PCDHA10: variants seen among roughly 807,000 people sequenced by gnomAD.
PCDHA10 encodes protocadherin alpha 10, also known as protocadherin alpha-10.
PCDHA10 carries 45 observed loss-of-function variants against 61.2 expected under a neutral mutation model. The ratio of observed to expected loss-of-function variants is 0.74; its 90% CI spans 0.58 to 0.94. PCDHA10 has a LOEUF of 0.94. Ranked by LOEUF, PCDHA10 falls within the 40% of genes least tolerant of loss-of-function variation. The probability of loss-of-function intolerance (pLI) is 0.00; values close to 1 mark genes in which losing one functional copy is unlikely to be tolerated. For missense variants in PCDHA10, 1,278 were observed against 1,236.2 expected (o/e 1.03, Z -0.51); for synonymous variants, 602 against 548.8 (o/e 1.10, Z -1.35).
intron 3 of PCDHA10, among the ~76,000 whole-genome samples, chr5:140,998,827 G>T (rs2097835809): frequency 6.6e-6 from 1 of 152,226 alleles, no homozygotes; most frequent in South Asian, 2.1e-4. Context: ...GCCTCCCAAA[G>T]TGCTGGATTA....
At chr5:140,876,099 T>C (rs782428764) in intron 1 of PCDHA10, 7 of 1,613,954 alleles carry the variant, frequency 4.3e-6, no homozygotes, top group Middle Eastern at 1.6e-4. Context: ...CAAAACTCAA[T>C]TTATTGCTGA....
At chr5:140,981,849 T>C (rs1460050544) in intron 2 of PCDHA10, among the ~76,000 whole-genome samples, 2 of 152,202 alleles carry the variant, frequency 1.3e-5, no homozygotes, top group African/African-American at 4.8e-5. Flanking sequence ...AGTTTGTATC[T>C]CACTCCCAGC....
chr5:140,916,743 G>C (rs1355752854), intron 1 of PCDHA10, among the ~76,000 whole-genome samples: 1 of 152,156 alleles, frequency 6.6e-6, no homozygotes, highest in African/African-American at 2.4e-5. Context: ...AAGCTTCACT[G>C]CCTGGGATTA....
rs782327503 is a variant in PCDHA10 at position 140,857,703 on chromosome 5, T to C, written c.1655T>C (p.Val552Ala). The change falls in exon 1 of 4, where the codon GTG (valine) becomes GCG (alanine). Residue 552 changes from valine (V) to alanine (A), a missense_variant. Val to Ala is a moderately conservative substitution (Grantham distance 64). Transcript: ENST00000307360. Reference sequence around the variant, plus strand: ...CTGGGCAGCAACTTGACGCTGCAGGTGTTCGTGCTGGACGAGAACGACAAC... The same window carrying C: ...CTGGGCAGCAACTTGACGCTGCAGGCGTTCGTGCTGGACGAGAACGACAAC... ...PPLGSNLTLQ[V>A]FVLDENDNAP... 3.8e-6 allele frequency: 6 copies of C among 1,597,222 alleles called. No homozygotes were observed. The highest frequency in any genetic ancestry group is 1.8e-4 in the Middle Eastern group (1 of 5,552).
intron 1 of PCDHA10, among the ~76,000 whole-genome samples, chr5:140,916,719 A>G (rs921368119): frequency 2.0e-5 from 3 of 152,128 alleles, no homozygotes; most frequent in Non-Finnish European, 2.9e-5. Context: ...GGAAGGAGTG[A>G]CTTTTGTTGC....
intron 1 of PCDHA10, chr5:140,863,137 G>GT (rs1309983213): frequency 1.7e-6 from 1 of 604,700 alleles, no homozygotes; most frequent in Admixed American, 1.9e-5. Context: ...CCGCCTGCTG[G>GT]TGCTGGTGAA....
At chr5:140,863,270 T>C (rs1554158046) in intron 1 of PCDHA10, 1 of 1,459,904 alleles carries the variant, frequency 6.8e-7, no homozygotes, top group Admixed American at 1.8e-5. Flanking sequence ...GAGGCAGCGC[T>C]GGTGGATGTC....
rs941007574 is a variant in PCDHA10 at position 141,010,090 on chromosome 5, C to G, written c.*153C>G. ...AAGTTCCCTGTGTCTGTCTAGAACG[C>G]ATTTAACAGGTTTTGTCGTAAAAGC... On this transcript the variant is annotated 3_prime_UTR_variant, in exon 4 of 4. Transcript: ENST00000307360. 1.5e-5 allele frequency: 24 copies of G among 1,612,636 alleles called. No homozygotes were observed. Among genetic ancestry groups the G allele is most frequent in the Non-Finnish European group, 2.0e-5 (24 of 1,179,276 alleles).
chr5:140,920,612 G>A (rs1389841013), intron 1 of PCDHA10, among the ~76,000 whole-genome samples: 3 of 152,092 alleles, frequency 2.0e-5, no homozygotes, highest in Non-Finnish European at 2.9e-5. Flanking sequence ...TTGGGAGGCC[G>A]AGGCGGATGG....
chr5:140,856,980 A>G lies in PCDHA10; in HGVS notation c.932A>G (p.Asp311Gly). ...IKVNDAIDFE[D>G]SNTYEIHVDV... ...GTAAATGATGCTATTGACTTTGAGG[A>G]CAGTAACACTTATGAAATTCATGTA... is the stretch of plus-strand genomic sequence containing the variant. Residue 311 changes from aspartate (D) to glycine (G), a missense_variant, in exon 1 of 4, where the codon GAC becomes GGC. Physicochemically the swap from Asp to Gly is moderately conservative, Grantham distance 94. Transcript: ENST00000307360. 6.3e-7 allele frequency: 1 copy of G among 1,594,908 alleles called. No individual in the cohort carries two copies. The highest frequency in any genetic ancestry group is 1.3e-5 in the African/African-American group (1 of 74,364).
At chr5:140,941,248 T>TTTCTTTCG (rs1563187616) in intron 1 of PCDHA10, among the ~76,000 whole-genome samples, 2 of 141,492 alleles carry the variant, frequency 1.4e-5, no homozygotes, top group Non-Finnish European at 3.1e-5. Context: ...TCTTTCTTTC[T>TTTCTTTCG]TTCTTTCTCT....
At chr5:140,918,313 T>C (rs1406314903) in intron 1 of PCDHA10, among the ~76,000 whole-genome samples, 3 of 152,146 alleles carry the variant, frequency 2.0e-5, no homozygotes, top group African/African-American at 7.2e-5. Context: ...GTTTTCTAGG[T>C]ATAAAATTAT....
chr5:140,926,763 C>T, intron 1 of PCDHA10: 1 of 1,327,892 alleles, frequency 7.5e-7, no homozygotes, highest in African/African-American at 1.5e-5. Flanking sequence ...GCTGAGTATC[C>T]AGCCCGCAGC....
Position 141,009,626 on chromosome 5 carries a change from G to C in PCDHA10, c.2537-1G>C, listed in dbSNP as rs782621388. The C allele has an allele frequency of 1.9e-6, 3 of 1,612,816 alleles. No individual in the cohort carries two copies. Among genetic ancestry groups the C allele is most frequent in the Non-Finnish European group, 2.5e-6 (3 of 1,179,228 alleles). On this transcript the variant is annotated splice_acceptor_variant, in intron 3 of 3. Transcript: ENST00000307360. LOFTEE classifies it high-confidence loss of function. ...ATGATTTGTAATGTTTTGTCTTTCA[G>C]AACCAGAGGCAGGAGAAGTGTCCCC...
chr5:140,988,847 C>A (rs2097315589), intron 3 of PCDHA10: 1 of 152,186 alleles, frequency 6.6e-6, no homozygotes, highest in African/African-American at 2.4e-5. Context: ...CTCCTGAAAC[C>A]TATCCAGTCT....
rs1455444799 is a variant in PCDHA10, at chr5:140,876,953, T to C, written c.2388+18517T>C. On this transcript the variant is annotated intron_variant, in intron 1 of 3. Coordinates refer to ENST00000307360, the MANE Select transcript of PCDHA10 (RefSeq NM_018901.4). ...AAGAACGCGCTGGTGTCCTACTCGCTGGTGGAGCGGCGGGTGGGCGAGCAC... is the reference window on the plus strand; with the variant it reads ...AAGAACGCGCTGGTGTCCTACTCGCCGGTGGAGCGGCGGGTGGGCGAGCAC... The C allele has an allele frequency of 1.1e-5, 17 of 1,613,306 alleles. No homozygotes were observed. Among genetic ancestry groups the C allele is most frequent in the Non-Finnish European group, 1.4e-5 (17 of 1,179,866 alleles).
chr5:140,860,216 T>G (rs1554153148), intron 1 of PCDHA10: 1 of 150,178 alleles, frequency 6.7e-6, no homozygotes, highest in Admixed American at 6.6e-5. Context: ...TATGTACTTA[T>G]GTATATATAA....
intron 1 of PCDHA10, among the ~76,000 whole-genome samples, chr5:140,879,217 G>A (rs1163771659): frequency 6.6e-6 from 1 of 152,164 alleles, no homozygotes; most frequent in African/African-American, 2.4e-5. Context: ...GAAATGAATT[G>A]AAAAAGACAT....
intron 1 of PCDHA10, chr5:140,883,205 A>C: frequency 6.2e-7 from 1 of 1,614,036 alleles, no homozygotes; most frequent in Non-Finnish European, 8.5e-7. Flanking sequence ...TTTCGAAGAA[A>C]AGAAATTATA....
Sources: gnomAD v4.1 joint callset for allele counts (sites outside exome capture counted in the v4.1 genomes callset) on GRCh38, gnomAD v4.1.1 for gene constraint, MANE v1.5 for transcripts, NCBI Gene and HGNC (gene_info 2026-07-23, HGNC 2026-07-21) for gene names.